CFAP251: variants seen among roughly 807,000 people sequenced by gnomAD.
CFAP251 encodes cilia and flagella associated protein 251, also known as cilia- and flagella-associated protein 251.
In CFAP251, 93 loss-of-function variants were observed where a neutral mutation model predicts 126.7. The observed-to-expected ratio is 0.73, with a 90% CI of 0.62 to 0.87. The LOEUF is 0.87. Ranked by LOEUF, CFAP251 falls within the 40% of genes least tolerant of loss-of-function variation. CFAP251 has a pLI of 0.00. For missense variants in CFAP251, 1,287 were observed against 1,389.2 expected (o/e 0.93, Z 1.17); for synonymous variants, 503 against 506.9 (o/e 0.99, Z 0.10).
At chr12:121,947,398 G>A (rs1291524346) in intron 7 of CFAP251, among the ~76,000 whole-genome samples, 4 of 152,018 alleles carry the variant, frequency 2.6e-5, no homozygotes, top group Admixed American at 6.6e-5. Context: ...GATCTCCTGT[G>A]GCTTCTTTCT....
At position 121,921,522 on chromosome 12, in the gene CFAP251, G is replaced by A. The variant is rs1051952946; in HGVS notation, c.217G>A (p.Val73Ile). Residue 73 changes from valine (V) to isoleucine (I), a missense_variant, in exon 2 of 22, where the codon GTC (valine) becomes ATC (isoleucine). Transcript: ENST00000288912. Reference protein sequence around the residue: ...EEEGKEDKKIVMEETEEKAGE... With the variant: ...EEEGKEDKKIIMEETEEKAGE... ...GGAGGGGAAGGAGGACAAAAAGATT[G>A]TCATGGAAGAAACTGAGGAAAAGGC... The A allele has an allele frequency of 9.9e-6, 16 of 1,613,784 alleles. No homozygotes were observed. The highest frequency in any genetic ancestry group is 1.0e-5 in the Non-Finnish European group (12 of 1,179,886).
chr12:122,003,628 G>A, intron 21 of CFAP251, 24 bp from the exon 22 acceptor site: 1 of 1,564,126 alleles, frequency 6.4e-7, no homozygotes, highest in Non-Finnish European at 8.8e-7. Flanking sequence ...AAGGCATTTG[G>A]TGTTCTTTTC....
intron 19 of CFAP251, among the ~76,000 whole-genome samples, chr12:121,977,825 G>A (rs1419273508): frequency 4.0e-5 from 6 of 151,084 alleles, no homozygotes; most frequent in Non-Finnish European, 8.8e-5. Flanking sequence ...CGGGCGTGGT[G>A]GTGGGCGCCT....
At chr12:121,998,799 AG>A (rs1844716320) in intron 19 of CFAP251, 1 of 146,314 alleles carries the variant, frequency 6.8e-6, no homozygotes. Flanking sequence ...CTGAGGTGAG[AG>A]GATCGCCTGA....
At chr12:121,967,933 CAT>C in intron 16 of CFAP251, 71 bp from the exon 17 acceptor site, 1 of 1,357,402 alleles carries the variant, frequency 7.4e-7, no homozygotes, top group South Asian at 1.3e-5. Flanking sequence ...CTGGAGGTGA[CAT>C]GTGAACGTGC....
intron 5 of CFAP251, among the ~76,000 whole-genome samples, chr12:121,938,030 G>A (rs1027635848): frequency 2.0e-5 from 3 of 152,134 alleles, no homozygotes; most frequent in East Asian, 1.9e-4. Context: ...TGTGAGACAG[G>A]GTCTCACTCT....
At chr12:121,992,222 C>T (rs946855533) in intron 19 of CFAP251, 18 of 985,356 alleles carry the variant, frequency 1.8e-5, no homozygotes, top group Non-Finnish European at 2.2e-5. Context: ...ATTTCCAGCT[C>T]CGAGGTTCCT....
intron 19 of CFAP251, among the ~76,000 whole-genome samples, chr12:121,993,835 G>A (rs1593007968): frequency 7.3e-6 from 1 of 136,912 alleles, no homozygotes; most frequent in Non-Finnish European, 1.6e-5. Flanking sequence ...GCCCCGTCCG[G>A]GAGGGAGGTG....
chr12:121,937,676 G>A (rs755036027), intron 5 of CFAP251, among the ~76,000 whole-genome samples: 3 of 152,160 alleles, frequency 2.0e-5, no homozygotes, highest in Admixed American at 6.5e-5. Context: ...CCAGATGCAC[G>A]AGGAGGTTAG....
chr12:121,937,768 C>T (rs1880949345), intron 5 of CFAP251, among the ~76,000 whole-genome samples: 1 of 152,144 alleles, frequency 6.6e-6, no homozygotes, highest in South Asian at 2.1e-4. Context: ...CAGGGGATCT[C>T]ATTACCCAAC....
Position 121,963,157 on chromosome 12 carries a change from T to C in CFAP251, c.2492+995T>C, listed in dbSNP as rs370040789. ...GTAGAAGCAAGATTCGGGAAACTGG[T>C]GTGAGAGCTGATGGCGGCTTGGCCC... On this transcript the variant is annotated intron_variant, in intron 15 of 21. Transcript: ENST00000288912. Among the ~76,000 whole-genome samples the C allele has an allele frequency of 9.9e-5, 15 of 151,946 alleles. No homozygotes were observed. In the South Asian group the frequency reaches 2.7e-3, roughly 27 times the overall value.
chr12:121,965,094 G>A (rs1348403091), intron 15 of CFAP251, among the ~76,000 whole-genome samples: 3 of 152,088 alleles, frequency 2.0e-5, no homozygotes, highest in Non-Finnish European at 4.4e-5. Context: ...GGAAGGAATT[G>A]TCTTTTTGTG....
rs1010523687 is a variant in CFAP251 at position 121,918,921 on chromosome 12, G to C, written c.-21+226G>C. ...CCCCTGCCCCAAACCCCTGCGGCTCGAACCCGGCTGTCCAGACGCGCCGGC... is the reference window on the plus strand; with the variant it reads ...CCCCTGCCCCAAACCCCTGCGGCTCCAACCCGGCTGTCCAGACGCGCCGGC... On this transcript the variant is annotated intron_variant, in intron 1 of 21. Coordinates refer to ENST00000288912, the MANE Select transcript of CFAP251 (RefSeq NM_144668.6). The surrounding 1 kb of genome is among the most constrained non-coding windows in gnomAD (Gnocchi z 4.3). Among the ~76,000 whole-genome samples, 1 of 152,036 alleles carries C rather than the reference G, an allele frequency of 6.6e-6. No homozygotes were observed. The highest frequency in any genetic ancestry group is 6.5e-5 in the Admixed American group (1 of 15,268).
At chr12:121,940,297 G>A (rs565638915) in intron 5 of CFAP251, among the ~76,000 whole-genome samples, 14 of 152,206 alleles carry the variant, frequency 9.2e-5, no homozygotes, top group Admixed American at 2.6e-4. Context: ...TATCTCCAGG[G>A]ATGAGATACA....
intron 19 of CFAP251, chr12:121,992,071 C>T (rs777686944): frequency 4.1e-5 from 13 of 313,310 alleles, no homozygotes; most frequent in Non-Finnish European, 5.1e-5. Flanking sequence ...TGGAATAAAG[C>T]CCCGCCTTAG....
chr12:121,939,404 T>C (rs1280316779), intron 5 of CFAP251, among the ~76,000 whole-genome samples: 2 of 152,112 alleles, frequency 1.3e-5, no homozygotes, highest in East Asian at 3.9e-4. Flanking sequence ...GGAAGGGTAT[T>C]ATCTCATGCA....
At chr12:121,966,370 C>T (rs577637638) in intron 15 of CFAP251, among the ~76,000 whole-genome samples, 1 of 142,782 alleles carries the variant, frequency 7.0e-6, no homozygotes, top group African/African-American at 2.6e-5. Flanking sequence ...AAGCGATTCT[C>T]ATGCCTCAGC....
chr12:121,980,064 C>T (rs1366130434), intron 19 of CFAP251, among the ~76,000 whole-genome samples: 2 of 152,232 alleles, frequency 1.3e-5, no homozygotes, highest in East Asian at 3.8e-4. Context: ...CCCCAGTCCA[C>T]ATCCAGTGGG....
intron 9 of CFAP251, chr12:121,952,751 G>C (rs1881579585): frequency 6.6e-6 from 1 of 152,104 alleles, no homozygotes; most frequent in East Asian, 1.9e-4. Flanking sequence ...ATTTAAGAGG[G>C]CATGCCAAAA....
Sources: gnomAD v4.1 joint callset for allele counts (sites outside exome capture counted in the v4.1 genomes callset) on GRCh38, gnomAD v4.1.1 for gene constraint, Gnocchi (gnomAD v3.1) non-coding constraint, MANE v1.5 for transcripts, NCBI Gene and HGNC (gene_info 2026-07-23, HGNC 2026-07-21) for gene names.